Variants in PDSS2 observed in about 807,000 individuals in gnomAD.
PDSS2 encodes all trans-polyprenyl-diphosphate synthase PDSS2.
A neutral mutation model predicts 44.5 loss-of-function variants in PDSS2; 31 were observed. That is an observed-to-expected ratio of 0.70 (90% CI 0.52 to 0.94). PDSS2 has a LOEUF of 0.94. Ranked by LOEUF, PDSS2 falls within the 40% of genes least tolerant of loss-of-function variation. The pLI is 0.00. For missense variants in PDSS2, 452 were observed against 482.2 expected, an observed-to-expected ratio of 0.94 and a Z score of 0.59; for synonymous variants, 157 against 180.3, an observed-to-expected ratio of 0.87 and a Z score of 1.03.
At chr6:107,299,146 CA>C (rs71991148) in intron 2 of PDSS2, among the ~76,000 whole-genome samples, 3,903 of 53,040 alleles carry the variant, frequency 0.074, 12 homozygotes, top group Middle Eastern at 0.11. Flanking sequence ...GACCCTGTCT[CA>C]AAAAAAAAAA....
At chr6:107,229,005 G>A (rs571220177) in intron 4 of PDSS2, among the ~76,000 whole-genome samples, 66 of 152,204 alleles carry the variant, frequency 4.3e-4, no homozygotes, top group South Asian at 6.2e-4. Context: ...GTGAGGGACA[G>A]GTTGTGAGTA....
At chr6:107,274,667 C>CTTTTT (rs5878910) in intron 2 of PDSS2, among the ~76,000 whole-genome samples, 68 of 106,554 alleles carry the variant, frequency 6.4e-4, no homozygotes, top group Middle Eastern at 5.8e-3. Context: ...ATCTCTCTCT[C>CTTTTT]TTTTTTTTTT....
Position 107,309,189 on chromosome 6 carries a change from T to C in PDSS2, c.431+25009A>G, listed in dbSNP as rs540625311. Among the ~76,000 whole-genome samples, 91 of 152,376 alleles carry C rather than the reference T, an allele frequency of 6.0e-4. No individual in the cohort carries two copies. In the Middle Eastern group the frequency reaches 0.024, roughly 40 times the overall value. On this transcript the variant is annotated intron_variant, in intron 2 of 7. Transcript: ENST00000369037. ...TCACTGAAGAATATTTACTGCCAGT[T>C]AATTATCAGAATGTCAAGTCATTAT...
intron 4 of PDSS2, among the ~76,000 whole-genome samples, chr6:107,234,378 T>C (rs565933702): frequency 1.1e-4 from 17 of 152,188 alleles, no homozygotes; most frequent in African/African-American, 4.1e-4. Flanking sequence ...GCTAATTTTG[T>C]ATTTTTAGTA....
intron 1 of PDSS2, among the ~76,000 whole-genome samples, chr6:107,444,233 G>A (rs551847582): frequency 1.3e-5 from 2 of 152,112 alleles, no homozygotes; most frequent in South Asian, 4.2e-4. Flanking sequence ...ATCCCACTGT[G>A]TTGCCCAGGC....
chr6:107,443,674 C>A (rs538271671), intron 1 of PDSS2, among the ~76,000 whole-genome samples: 1 of 152,134 alleles, frequency 6.6e-6, no homozygotes, highest in South Asian at 2.1e-4. Flanking sequence ...TGCAGTCTAC[C>A]CCACACTACA....
At chr6:107,316,929 C>T (rs919977126) in intron 2 of PDSS2, among the ~76,000 whole-genome samples, 11 of 152,096 alleles carry the variant, frequency 7.2e-5, no homozygotes, top group East Asian at 1.9e-4. Flanking sequence ...GGTAACCAGA[C>T]GTCACAAAAG....
chr6:107,193,901 T>C (rs1156599608), intron 6 of PDSS2, 47 bp from the exon 7 acceptor site: 3 of 1,218,272 alleles, frequency 2.5e-6, no homozygotes, highest in African/African-American at 3.0e-5. Flanking sequence ...TCTAAAAGTT[T>C]AGTGCTTCTA....
chr6:107,195,977 CT>C (rs1192802866), intron 6 of PDSS2, among the ~76,000 whole-genome samples: 4 of 152,184 alleles, frequency 2.6e-5, no homozygotes, highest in Admixed American at 2.6e-4. Flanking sequence ...AACAAAAGGC[CT>C]CTGCAACCAA....
chr6:107,157,104 T>TAA (rs1770927556), intron 7 of PDSS2, among the ~76,000 whole-genome samples: 1 of 152,194 alleles, frequency 6.6e-6, no homozygotes, highest in South Asian at 2.1e-4. Flanking sequence ...GAGAAAAGTC[T>TAA]AAGCTCTTTC....
At chr6:107,285,487 GGAA>G (rs202126360) in intron 2 of PDSS2, among the ~76,000 whole-genome samples, 6 of 150,460 alleles carry the variant, frequency 4.0e-5, no homozygotes, top group East Asian at 2.0e-4. Flanking sequence ...TTGAAGAAGA[GGAA>G]GAAGAAGAAG....
At chr6:107,313,184 AT>A (rs1777097200) in intron 2 of PDSS2, among the ~76,000 whole-genome samples, 1 of 152,230 alleles carries the variant, frequency 6.6e-6, no homozygotes, top group South Asian at 2.1e-4. Context: ...TATGCTGAGA[AT>A]TTAATAAAAA....
intron 2 of PDSS2, among the ~76,000 whole-genome samples, chr6:107,331,830 T>C (rs962980421): frequency 5.9e-5 from 9 of 152,126 alleles, no homozygotes; most frequent in Non-Finnish European, 1.0e-4. Context: ...ATTTTAGGAT[T>C]AGAGATAAAA....
chr6:107,377,803 G>A (rs532826920), intron 1 of PDSS2, among the ~76,000 whole-genome samples: 2,280 of 151,758 alleles, frequency 0.015, 27 homozygotes, highest in Non-Finnish European at 0.021. Context: ...ACCAAACACC[G>A]CATGTTCTCA....
At chr6:107,269,316 C>T (rs560337099) in intron 3 of PDSS2, among the ~76,000 whole-genome samples, 3 of 148,764 alleles carry the variant, frequency 2.0e-5, no homozygotes, top group African/African-American at 7.4e-5. Context: ...AAAATCTAGG[C>T]CTTCTCAATC....
intron 1 of PDSS2, among the ~76,000 whole-genome samples, chr6:107,429,899 A>AT (rs1781123721): frequency 1.7e-4 from 7 of 41,416 alleles, no homozygotes; most frequent in South Asian, 1.6e-3. Context: ...AAAAAAAAAA[A>AT]AAATATATAT....
At chr6:107,429,937 T>TATATATATATATATAC (rs1316596170) in intron 1 of PDSS2, among the ~76,000 whole-genome samples, 4 of 99,648 alleles carry the variant, frequency 4.0e-5, no homozygotes, top group East Asian at 3.1e-4. Context: ...TATATATATA[T>TATATATATATATATAC]ACACCAAACC....
At chr6:107,330,539 T>G (rs1275211299) in intron 2 of PDSS2, among the ~76,000 whole-genome samples, 1 of 152,176 alleles carries the variant, frequency 6.6e-6, no homozygotes, top group Non-Finnish European at 1.5e-5. Flanking sequence ...TCAGCCAAAA[T>G]ATTCACGTGA....
At chr6:107,161,002 T>A (rs1554246602) in intron 7 of PDSS2, among the ~76,000 whole-genome samples, 3 of 152,038 alleles carry the variant, frequency 2.0e-5, no homozygotes, top group Non-Finnish European at 4.4e-5. Flanking sequence ...CCTCCAAAAG[T>A]GCTGGGATTA....
Sources: gnomAD v4.1 joint callset for allele counts (sites outside exome capture counted in the v4.1 genomes callset) on GRCh38, gnomAD v4.1.1 for gene constraint, MANE v1.5 for transcripts, NCBI Gene and HGNC (gene_info 2026-07-23, HGNC 2026-07-21) for gene names.